Variants in MYT1L observed in about 807,000 individuals in gnomAD.
MYT1L encodes myelin transcription factor 1-like protein.
A neutral mutation model predicts 126.7 loss-of-function variants in MYT1L; 12 were observed. The observed-to-expected ratio is 0.09, with a 90% CI of 0.06 to 0.15. The LOEUF (loss-of-function observed/expected upper bound fraction) is 0.15, where lower values mean the gene tolerates loss of function less well. MYT1L is among the 10% of genes least tolerant of loss of function. The pLI, the probability that MYT1L is intolerant of heterozygous loss-of-function variation, is 1.00. For missense variants in MYT1L, 979 were observed against 1,585.2 expected (o/e 0.62, Z 6.49); for synonymous variants, 541 against 604.2 (o/e 0.90, Z 1.53).
intron 3 of MYT1L, among the ~76,000 whole-genome samples, chr2:2,102,606 G>A (rs1372944636): frequency 2.4e-5 from 2 of 81,784 alleles, no homozygotes; most frequent in Admixed American, 1.3e-4. Context: ...TCTTGGGAAT[G>A]TGTGTGTGTG....
chr2:2,308,804 C>T (rs371048051), intron 1 of MYT1L, among the ~76,000 whole-genome samples: 2 of 151,938 alleles, frequency 1.3e-5, no homozygotes, highest in South Asian at 4.2e-4. Flanking sequence ...TTCACCTACA[C>T]TTTACTATAT....
At chr2:2,037,218 A>T (rs2066954200) in intron 4 of MYT1L, among the ~76,000 whole-genome samples, 1 of 152,112 alleles carries the variant, frequency 6.6e-6, no homozygotes, top group Non-Finnish European at 1.5e-5. Context: ...ACAACATGCA[A>T]TTGTTTTATG....
chr2:2,150,137 T>C (rs1354124190), intron 3 of MYT1L, among the ~76,000 whole-genome samples: 2 of 152,124 alleles, frequency 1.3e-5, no homozygotes, highest in South Asian at 2.1e-4. Context: ...ATGCTTTGAA[T>C]GGAGGGAGAG....
intron 21 of MYT1L, among the ~76,000 whole-genome samples, chr2:1,820,915 C>G (rs1221206522): frequency 2.0e-5 from 3 of 150,430 alleles, no homozygotes; most frequent in Non-Finnish European, 4.4e-5. Context: ...GTCAAAAGAC[C>G]TTAAGAATAT....
At chr2:2,158,395 C>T (rs2087101744) in intron 3 of MYT1L, among the ~76,000 whole-genome samples, 1 of 152,218 alleles carries the variant, frequency 6.6e-6, no homozygotes, top group Non-Finnish European at 1.5e-5. Context: ...CAGTAATTTG[C>T]ATGTTCCAGG....
chr2:1,945,109 G>A (rs888347286), intron 8 of MYT1L, among the ~76,000 whole-genome samples: 3 of 152,208 alleles, frequency 2.0e-5, no homozygotes, highest in Non-Finnish European at 4.4e-5. Context: ...CCCAAAGGCT[G>A]GAGCATAGAG....
At chr2:1,987,756 T>C (rs2061157516) in intron 5 of MYT1L, among the ~76,000 whole-genome samples, 1 of 152,170 alleles carries the variant, frequency 6.6e-6, no homozygotes, top group Non-Finnish European at 1.5e-5. Context: ...TGGAGCATCC[T>C]GGAGAAGCCA....
intron 2 of MYT1L, among the ~76,000 whole-genome samples, chr2:2,176,673 A>C (rs534305520): frequency 2.6e-5 from 4 of 151,982 alleles, no homozygotes; most frequent in Non-Finnish European, 5.9e-5. Flanking sequence ...TAATTTTTAT[A>C]GTTTTAGTAG....
intron 18 of MYT1L, among the ~76,000 whole-genome samples, chr2:1,857,556 T>C (rs2044070022): frequency 6.6e-6 from 1 of 152,212 alleles, no homozygotes; most frequent in Non-Finnish European, 1.5e-5. Flanking sequence ...CATTCCTTTG[T>C]TTCATGGTAG....
At chr2:1,931,579 G>T (rs1426256239) in intron 9 of MYT1L, among the ~76,000 whole-genome samples, 2 of 152,024 alleles carry the variant, frequency 1.3e-5, no homozygotes, top group East Asian at 3.9e-4. Context: ...TGTTCTTCTG[G>T]GTGCTAATTA....
rs567539972 is a variant in MYT1L at position 2,247,125 on chromosome 2, C to T, written c.-421+37279G>A. ...GAATGGATGGAAAAACAAGACCCAA[C>T]GATCTGTTCCCTACAAGAAACTTTA... On this transcript the variant is annotated intron_variant, in intron 2 of 24. Coordinates refer to ENST00000647738, the MANE Select transcript of MYT1L (RefSeq NM_001303052.2). 1.9e-4 allele frequency among the ~76,000 whole-genome samples: 29 copies of T among 152,082 alleles called. No individual in the cohort carries two copies. In the South Asian group the frequency reaches 3.9e-3, roughly 21 times the overall value.
chr2:2,118,039 C>T (rs2147847877), intron 3 of MYT1L, among the ~76,000 whole-genome samples: 1 of 150,930 alleles, frequency 6.6e-6, no homozygotes, highest in Middle Eastern at 3.5e-3. Flanking sequence ...GATATATTTG[C>T]TAGTTGTCAG....
chr2:2,108,124 C>G (rs1279510045), intron 3 of MYT1L, among the ~76,000 whole-genome samples: 1 of 152,126 alleles, frequency 6.6e-6, no homozygotes, highest in African/African-American at 2.4e-5. Context: ...TCAAAGCCCC[C>G]TTATTCGGAG....
chr2:1,990,745 G>A (rs1245090793), intron 5 of MYT1L, among the ~76,000 whole-genome samples: 2 of 152,188 alleles, frequency 1.3e-5, no homozygotes, highest in Admixed American at 6.5e-5. Flanking sequence ...TGTGTGGACT[G>A]CCAGGACCAG....
rs1248656023 is a variant in MYT1L, at chr2:1,791,277, CAAA to C, written c.*587_*589del. 2.2e-6 allele frequency: 1 copy of C among 464,468 alleles called. No homozygotes were observed. Among genetic ancestry groups the C allele is most frequent in the South Asian group, 1.6e-5 (1 of 62,374 alleles). 28.8% of individuals were successfully genotyped at this position (464,468 alleles called of 1,614,324 possible). A position where few individuals can be genotyped will look rare whatever the true frequency, so the allele number is the denominator to read the frequency against. ...ACACCATCCTCCTAAAACAAACAAACAAAAAAGTCACATAATATTTCCAAGCAT... is the reference window on the plus strand; with the variant it reads ...ACACCATCCTCCTAAAACAAACAAACAAAGTCACATAATATTTCCAAGCAT... On this transcript the variant is annotated 3_prime_UTR_variant, in exon 25 of 25. Transcript: ENST00000647738. The surrounding 1 kb of genome is among the most constrained non-coding windows in gnomAD (Gnocchi z 6.0).
chr2:1,903,949 G>GCA (rs1453233264), intron 13 of MYT1L, among the ~76,000 whole-genome samples: 9 of 151,918 alleles, frequency 5.9e-5, no homozygotes, highest in Admixed American at 4.6e-4. Flanking sequence ...GTGTGTGTGT[G>GCA]CGCGTGCGCG....
Position 1,848,395 on chromosome 2 carries a change from C to T in MYT1L, c.2774+3246G>A, listed in dbSNP as rs555949282. On this transcript the variant is annotated intron_variant, in intron 19 of 24. Transcript: ENST00000647738. This position sits in a 1 kb window ranked among gnomAD's most constrained non-coding sequence, Gnocchi z 4.8. ...GGGAGAATTCCAGACACCACAGGTG[C>T]GCGAGGCGGATCTGTGCTCTGAACA... is the stretch of plus-strand genomic sequence containing the variant. Among the ~76,000 whole-genome samples, 5 of 151,898 alleles carry T rather than the reference C, an allele frequency of 3.3e-5. No homozygotes were observed. Among genetic ancestry groups the T allele is most frequent in the South Asian group, 4.2e-4 (2 of 4,788 alleles).
chr2:2,272,305 C>T (rs1036786385), intron 2 of MYT1L, among the ~76,000 whole-genome samples: 1 of 152,176 alleles, frequency 6.6e-6, no homozygotes, highest in Non-Finnish European at 1.5e-5. Flanking sequence ...CACCTGACCT[C>T]CCATGTTCTC....
At chr2:2,044,914 T>C (rs1036423746) in intron 4 of MYT1L, among the ~76,000 whole-genome samples, 3 of 152,150 alleles carry the variant, frequency 2.0e-5, no homozygotes, top group African/African-American at 7.2e-5. Flanking sequence ...AACTGACACA[T>C]GGAAATTTGT....
Sources: allele counts gnomAD v4.1 joint callset (sites outside exome capture counted in the v4.1 genomes callset), GRCh38; gene constraint gnomAD v4.1.1; non-coding constraint Gnocchi (gnomAD v3.1); transcripts MANE v1.5; gene names NCBI Gene and HGNC (gene_info 2026-07-23, HGNC 2026-07-21).